Variants in SPTLC2 observed in about 807,000 individuals in gnomAD.
The protein encoded by SPTLC2 is serine palmitoyltransferase long chain base subunit 2, also known as serine palmitoyltransferase 2.
In SPTLC2, 21 loss-of-function variants were observed where a neutral mutation model predicts 62.0. That is an observed-to-expected ratio of 0.34 (90% CI 0.24 to 0.49). The LOEUF (loss-of-function observed/expected upper bound fraction) is 0.49. Ranked by LOEUF, SPTLC2 falls within the 20% of genes least tolerant of loss-of-function variation. The pLI, the probability that SPTLC2 is intolerant of heterozygous loss-of-function variation, is 0.99. For synonymous variants in SPTLC2, 261 were observed against 261.8 expected (o/e 1.00, Z 0.03); for missense variants, 511 against 713.0 (o/e 0.72, Z 3.23).
chr14:77,614,562 G>A (rs988598914), intron 1 of SPTLC2, among the ~76,000 whole-genome samples: 1 of 152,074 alleles, frequency 6.6e-6, no homozygotes, highest in African/African-American at 2.4e-5. Context: ...TACTTGGGAG[G>A]CTGAGGCAGG....
At chr14:77,515,618 C>T (rs1266503071) in intron 11 of SPTLC2, among the ~76,000 whole-genome samples, 2 of 144,034 alleles carry the variant, frequency 1.4e-5, no homozygotes, top group East Asian at 3.9e-4. Flanking sequence ...GGTGCGATCT[C>T]AGCTCACTGC....
chr14:77,611,493 C>T (rs569253700), intron 1 of SPTLC2, among the ~76,000 whole-genome samples: 10 of 149,030 alleles, frequency 6.7e-5, no homozygotes, highest in South Asian at 2.1e-4. Flanking sequence ...AAGAAATTAA[C>T]GGAAAGTAGC....
intron 11 of SPTLC2, 26 bp downstream of exon 11, chr14:77,518,012 A>G (rs1255111726): frequency 5.6e-6 from 9 of 1,613,996 alleles, no homozygotes; most frequent in Non-Finnish European, 7.6e-6. Context: ...AGGCATATTT[A>G]TATCAAGGTG....
At chr14:77,559,797 A>G (rs1242207740) in intron 6 of SPTLC2, among the ~76,000 whole-genome samples, 1 of 152,138 alleles carries the variant, frequency 6.6e-6, no homozygotes, top group Non-Finnish European at 1.5e-5. Flanking sequence ...AGACTGAGGC[A>G]GGAGAATCAT....
At chr14:77,612,057 A>T (rs2079941366) in intron 1 of SPTLC2, among the ~76,000 whole-genome samples, 2 of 152,208 alleles carry the variant, frequency 1.3e-5, no homozygotes, top group African/African-American at 4.8e-5. Context: ...ATTGTGAATT[A>T]TATTACAGAA....
In SPTLC2 at chr14:77,576,819, G is replaced by C; in HGVS notation, c.579C>G (p.Ala193=). The part of the protein sequence containing the change: ...RNTGSCQEAA[A]KVLEEYGAGV... ...CAGCTCCATACTCCTCAAGGACTTT[G>C]GCGGCTGCTTCTTGACATGATCCAG... Residue 193 remains alanine (A), a synonymous_variant, in exon 4 of 12, where the codon GCC becomes GCG. Coordinates refer to ENST00000216484, the MANE Select transcript of SPTLC2 (RefSeq NM_004863.4). 1 of 1,614,138 alleles carries C rather than the reference G, an allele frequency of 6.2e-7. No individual in the cohort carries two copies. Among genetic ancestry groups the C allele is most frequent in the South Asian group, 1.1e-5 (1 of 91,086 alleles).
At chr14:77,584,085 C>G (rs1359974699) in intron 2 of SPTLC2, among the ~76,000 whole-genome samples, 1 of 152,140 alleles carries the variant, frequency 6.6e-6, no homozygotes, top group Non-Finnish European at 1.5e-5. Context: ...TCAATGAAGA[C>G]CTTATCAAAA....
At chr14:77,600,186 C>T (rs1298196552) in intron 1 of SPTLC2, among the ~76,000 whole-genome samples, 1 of 152,134 alleles carries the variant, frequency 6.6e-6, no homozygotes, top group Non-Finnish European at 1.5e-5. Flanking sequence ...AAGGAGGATG[C>T]TAAACCATTA....
At chr14:77,539,214 T>C (rs957929861) in intron 9 of SPTLC2, among the ~76,000 whole-genome samples, 1 of 152,038 alleles carries the variant, frequency 6.6e-6, no homozygotes, top group Non-Finnish European at 1.5e-5. Context: ...TATTCTTCTA[T>C]CATCAAATTG....
intron 9 of SPTLC2, chr14:77,536,036 G>T (rs569331287): frequency 5.7e-5 from 25 of 435,960 alleles, no homozygotes; most frequent in South Asian, 4.1e-4. Flanking sequence ...GAAAAAGTTG[G>T]TTTGAGGGGA....
At chr14:77,555,209 C>T in intron 8 of SPTLC2, 91 bp downstream of exon 8, 2 of 1,512,604 alleles carry the variant, frequency 1.3e-6, no homozygotes, top group Non-Finnish European at 1.8e-6. Flanking sequence ...TGCGGACATC[C>T]CAGTTCAGGG....
intron 9 of SPTLC2, among the ~76,000 whole-genome samples, chr14:77,542,835 G>C (rs777863077): frequency 6.6e-6 from 1 of 152,104 alleles, no homozygotes. Flanking sequence ...CCAAAAACTA[G>C]GATTTCCTGA....
intron 1 of SPTLC2, among the ~76,000 whole-genome samples, chr14:77,615,393 T>C (rs1273356271): frequency 6.6e-6 from 1 of 152,200 alleles, no homozygotes; most frequent in Non-Finnish European, 1.5e-5. Context: ...TGGGGAGTAG[T>C]TATGTTAAAG....
At chr14:77,549,078 T>C (rs1246212024) in intron 9 of SPTLC2, among the ~76,000 whole-genome samples, 1 of 152,040 alleles carries the variant, frequency 6.6e-6, no homozygotes, top group Non-Finnish European at 1.5e-5. Flanking sequence ...ATGACGGAGG[T>C]AGGGCCTGGT....
intron 5 of SPTLC2, among the ~76,000 whole-genome samples, chr14:77,567,247 C>T (rs944262714): frequency 3.3e-5 from 5 of 152,180 alleles, no homozygotes; most frequent in African/African-American, 1.2e-4. Context: ...TGAGCCACTG[C>T]GCCCGGCCCT....
intron 9 of SPTLC2, among the ~76,000 whole-genome samples, chr14:77,531,457 TCCTCCTCCTCCTCCTCCCCCTCCC>T (rs1200740672): frequency 4.0e-5 from 5 of 124,118 alleles, no homozygotes; most frequent in Non-Finnish European, 3.3e-5. Flanking sequence ...CTCCTTCTCC[TCCTCCTCCTCCTCCTCCCCCTCCC>T]CCTCCTCCTC....
intron 5 of SPTLC2, among the ~76,000 whole-genome samples, chr14:77,569,859 T>TAAAATATAAAAATAAAATATTATATAA (rs369912632): frequency 1.4e-5 from 1 of 70,682 alleles, no homozygotes; most frequent in Non-Finnish European, 3.1e-5. Context: ...TATATGTATA[T>TAAAATATAAAAATAAAATATTATATAA]AAATATATAA....
chr14:77,530,016 AAT>A (rs1366333669), intron 9 of SPTLC2, among the ~76,000 whole-genome samples: 1 of 152,182 alleles, frequency 6.6e-6, no homozygotes, highest in African/African-American at 2.4e-5. Flanking sequence ...CAAATGAAAG[AAT>A]ATGTTGATTT....
chr14:77,590,862 G>A (rs12884431), intron 2 of SPTLC2, among the ~76,000 whole-genome samples: 29,861 of 152,148 alleles, frequency 0.2, 3,379 homozygotes, highest in East Asian at 0.55. Flanking sequence ...ATGGAAGTGA[G>A]GGAACTAGCC....
Sources: gnomAD v4.1 joint callset for allele counts (sites outside exome capture counted in the v4.1 genomes callset) on GRCh38, gnomAD v4.1.1 for gene constraint, MANE v1.5 for transcripts, NCBI Gene and HGNC (gene_info 2026-07-23, HGNC 2026-07-21) for gene names.